Variants in CLDN10 observed in about 807,000 individuals in gnomAD.
CLDN10 encodes the protein claudin 10.
CLDN10 carries 15 observed loss-of-function variants against 22.9 expected under a neutral mutation model. The ratio of observed to expected loss-of-function variants is 0.65; its 90% confidence interval spans 0.44 to 1.01. The LOEUF (loss-of-function observed/expected upper bound fraction) is 1.01. Ranked by LOEUF, CLDN10 falls within the 50% of genes least tolerant of loss-of-function variation. CLDN10 has a pLI of 0.00. For synonymous variants in CLDN10, 114 were observed against 111.4 expected, an observed-to-expected ratio of 1.02 and a Z score of -0.15; for missense variants, 247 against 287.8, an observed-to-expected ratio of 0.86 and a Z score of 1.03.
chr13:95,503,477 T>G (rs1369222527), intron 1 of CLDN10, among the ~76,000 whole-genome samples: 1 of 152,204 alleles, frequency 6.6e-6, no homozygotes, highest in African/African-American at 2.4e-5. Context: ...GATCTAGAAA[T>G]TCCGCTTCTG....
intron 1 of CLDN10, among the ~76,000 whole-genome samples, chr13:95,453,694 G>GAA (rs71292898): frequency 2.3e-4 from 32 of 138,924 alleles, no homozygotes; most frequent in African/African-American, 4.8e-4. Flanking sequence ...AAAAGAAAAA[G>GAA]AAAAAAAAAA....
chr13:95,534,591 T>C (rs181528271), intron 1 of CLDN10, among the ~76,000 whole-genome samples: 39 of 152,232 alleles, frequency 2.6e-4, no homozygotes, highest in Admixed American at 5.9e-4. Flanking sequence ...ATATAAAGAA[T>C]TTAGTATAAT....
intron 1 of CLDN10, among the ~76,000 whole-genome samples, chr13:95,525,346 G>A (rs952440348): frequency 1.3e-5 from 2 of 151,934 alleles, no homozygotes; most frequent in Admixed American, 6.6e-5. Flanking sequence ...TGGGTTATTT[G>A]GGTTTTTATT....
intron 1 of CLDN10, among the ~76,000 whole-genome samples, chr13:95,509,128 G>A (rs2043069606): frequency 6.6e-6 from 1 of 152,132 alleles, no homozygotes; most frequent in Non-Finnish European, 1.5e-5. Context: ...AACAGAAGCA[G>A]TTGGGAACAG....
chr13:95,492,241 C>T (rs9671129), intron 1 of CLDN10, among the ~76,000 whole-genome samples: 2,260 of 151,840 alleles, frequency 0.015, 56 homozygotes, highest in African/African-American at 0.051. Context: ...GATTAAATGC[C>T]CTTTGTCTTT....
chr13:95,506,035 T>A (rs777855829), intron 1 of CLDN10, among the ~76,000 whole-genome samples: 14 of 152,200 alleles, frequency 9.2e-5, no homozygotes, highest in Non-Finnish European at 1.3e-4. Context: ...CCATTGCGCC[T>A]GGCTCCTTTC....
At position 95,574,568 on chromosome 13, in the gene CLDN10, G is replaced by T. The variant is rs528429383; in HGVS notation, c.465-2663G>T. On this transcript the variant is annotated intron_variant, in intron 3 of 4. Coordinates refer to ENST00000299339, the MANE Select transcript of CLDN10 (RefSeq NM_006984.5). The stretch of plus-strand genomic sequence containing the variant: ...GTGGATCACCTGAGGTCAGGAGTGC[G>T]AGACCAGCTTGGCCAACATGGGGAA... 1.2e-4 allele frequency among the ~76,000 whole-genome samples: 19 copies of T among 152,244 alleles called. No individual in the cohort carries two copies. The East Asian group carries it at 3.7e-3, about 29-fold the overall frequency.
At chr13:95,461,637 T>C (rs2042537256) in intron 1 of CLDN10, among the ~76,000 whole-genome samples, 1 of 152,192 alleles carries the variant, frequency 6.6e-6, no homozygotes, top group African/African-American at 2.4e-5. Context: ...AGAACTGAAT[T>C]ATTCCAGGAA....
intron 3 of CLDN10, among the ~76,000 whole-genome samples, chr13:95,569,899 GC>G (rs1363417401): frequency 6.6e-6 from 1 of 152,024 alleles, no homozygotes; most frequent in East Asian, 2.0e-4. Flanking sequence ...CTCCCAAGTA[GC>G]TGGGACTACA....
Position 95,456,580 on chromosome 13 carries a change from C to T in CLDN10, c.214+22533C>T, listed in dbSNP as rs546690801. ...CCAGCTTGGGCAACATAATAAGACGCCTGTCTCCACAAAAAATTAAAAAAA... is the reference window on the plus strand; with the variant it reads ...CCAGCTTGGGCAACATAATAAGACGTCTGTCTCCACAAAAAATTAAAAAAA... On this transcript the variant is annotated intron_variant, in intron 1 of 4. Coordinates refer to the CLDN10 transcript ENST00000376873. Among the ~76,000 whole-genome samples, 7 of 152,058 alleles carry T rather than the reference C, an allele frequency of 4.6e-5. No homozygotes were observed. The South Asian group carries it at 1.4e-3, about 31-fold the overall frequency.
chr13:95,530,929 CT>C lies in CLDN10; in HGVS notation c.215-29188del, dbSNP rs1269039220. ...AATGAGAAGAAACTGATCATCTTTC[CT>C]TTTTTTTTTTTTTTGAGATGGAGTC... On this transcript the variant is annotated intron_variant, in intron 1 of 4. Transcript: ENST00000376873. Among the ~76,000 whole-genome samples, 720 of 141,634 alleles carry C rather than the reference CT, an allele frequency of 5.1e-3. 1 individual carries two copies. Among genetic ancestry groups the C allele is most frequent in the African/African-American group, 0.012 (473 of 38,930 alleles). 92.9% of individuals were successfully genotyped at this position (141,634 alleles called of 152,430 possible). A position where few individuals can be genotyped will look rare whatever the true frequency, so the allele number is the denominator to read the frequency against.
Position 95,574,433 on chromosome 13 carries a change from G to C in CLDN10, c.465-2798G>C, listed in dbSNP as rs192387802. Reference sequence around the variant, plus strand: ...TTCACACTGAAATGCAAATGGAAATGATTTTTTCCTTGGAATAGAGTGAAT... The same window carrying C: ...TTCACACTGAAATGCAAATGGAAATCATTTTTTCCTTGGAATAGAGTGAAT... On this transcript the variant is annotated intron_variant, in intron 3 of 4. Transcript: ENST00000299339. Among the ~76,000 whole-genome samples the C allele has an allele frequency of 4.3e-3, 661 of 152,256 alleles. 4 individuals carry two copies. The highest frequency in any genetic ancestry group is 0.015 in the African/African-American group (628 of 41,552).
upstream of CLDN10, chr13:95,552,627 CTGGGCGGGGTGG>C (rs908026263): frequency 4.9e-6 from 6 of 1,216,740 alleles, no homozygotes; most frequent in African/African-American, 3.3e-5. Flanking sequence ...GCCGGGTCCG[CTGGGCGGGGTGG>C]TGGGCGGGGA....
chr13:95,462,759 G>C (rs2042546506), intron 1 of CLDN10, among the ~76,000 whole-genome samples: 1 of 150,114 alleles, frequency 6.7e-6, no homozygotes, highest in Non-Finnish European at 1.5e-5. Flanking sequence ...GTTTTAGGTA[G>C]AAAAAAGGAA....
intron 3 of CLDN10, among the ~76,000 whole-genome samples, chr13:95,569,878 C>T (rs529608710): frequency 6.6e-6 from 1 of 152,182 alleles, no homozygotes; most frequent in Non-Finnish European, 1.5e-5. Flanking sequence ...ACGCCATTCT[C>T]CTGCCTCAGT....
intron 1 of CLDN10, among the ~76,000 whole-genome samples, chr13:95,499,185 G>A (rs2042958521): frequency 6.6e-6 from 1 of 152,182 alleles, no homozygotes; most frequent in South Asian, 2.1e-4. Flanking sequence ...GTTTAAAAGA[G>A]TTTTATAAGT....
Position 95,552,935 on chromosome 13 carries a change from C to T in CLDN10, c.182C>T (p.Ser61Phe). 1 of 1,614,148 alleles carries T rather than the reference C, an allele frequency of 6.2e-7. No individual in the cohort carries two copies. The highest frequency in any genetic ancestry group is 8.5e-7 in the Non-Finnish European group (1 of 1,180,006). Residue 61 changes from serine to phenylalanine, a missense_variant, in exon 1 of 5, where the codon TCC becomes TTC. Physicochemically the swap from Ser to Phe is radical, Grantham distance 155 (BLOSUM62 -2). Coordinates refer to ENST00000299339, the MANE Select transcript of CLDN10 (RefSeq NM_006984.5). ...KACVTDSTGV[S>F]NCKDFPSMLA... ...TGCGTTACCGACTCCACGGGCGTCT[C>T]CAACTGCAAGGACTTCCCCTCCATG...
chr13:95,521,137 T>C (rs1044784912), intron 1 of CLDN10, among the ~76,000 whole-genome samples: 1 of 152,228 alleles, frequency 6.6e-6, no homozygotes, highest in Non-Finnish European at 1.5e-5. Flanking sequence ...TGAGTGACAA[T>C]AATTTCATTT....
At chr13:95,531,696 AT>A (rs554517238) in intron 1 of CLDN10, among the ~76,000 whole-genome samples, 3,129 of 137,618 alleles carry the variant, frequency 0.023, 51 homozygotes, top group African/African-American at 0.059. Flanking sequence ...CGCCTGGCTA[AT>A]TTTTTTTTTT....
Sources: allele counts gnomAD v4.1 joint callset (sites outside exome capture counted in the v4.1 genomes callset), GRCh38; gene constraint gnomAD v4.1.1; transcripts MANE v1.5; gene names NCBI Gene and HGNC (gene_info 2026-07-23, HGNC 2026-07-21).